The following TRPM3 variants were observed in gnomAD, a reference collection of about 807,000 sequenced individuals.
TRPM3 encodes the protein transient receptor potential cation channel subfamily M member 3, also known as long transient receptor potential channel 3.
In TRPM3, 77 loss-of-function variants were observed where a neutral mutation model predicts 181.2. The observed-to-expected ratio is 0.42, with a 90% CI of 0.35 to 0.51. The LOEUF (loss-of-function observed/expected upper bound fraction) is 0.51, where lower values mean the gene tolerates loss of function less well. Ranked by LOEUF, TRPM3 falls within the 20% of genes least tolerant of loss-of-function variation. TRPM3 has a pLI of 0.01. For missense variants in TRPM3, 1,759 were observed against 2,196.7 expected (o/e 0.80, Z 3.98); for synonymous variants, 745 against 796.4 (o/e 0.94, Z 1.09).
intron 1 of TRPM3, among the ~76,000 whole-genome samples, chr9:71,347,970 T>C (rs1308715051): frequency 1.3e-5 from 2 of 152,138 alleles, no homozygotes; most frequent in African/African-American, 2.4e-5. Flanking sequence ...TGTTCCTCTC[T>C]GGTTGAGAAA....
intron 1 of TRPM3, among the ~76,000 whole-genome samples, chr9:71,204,475 C>G (rs1368652084): frequency 6.6e-6 from 1 of 152,190 alleles, no homozygotes; most frequent in Non-Finnish European, 1.5e-5. Context: ...CTCACCATCA[C>G]TGGCCGTCAG....
intron 5 of TRPM3, among the ~76,000 whole-genome samples, chr9:70,831,948 T>G (rs2093927159): frequency 7.9e-6 from 1 of 126,522 alleles, no homozygotes; most frequent in African/African-American, 3.1e-5. Flanking sequence ...TCAAAACATT[T>G]TATGTACCCC....
chr9:71,299,653 A>G (rs1169456848), intron 1 of TRPM3, among the ~76,000 whole-genome samples: 3 of 152,126 alleles, frequency 2.0e-5, no homozygotes, highest in African/African-American at 7.2e-5. Context: ...ATATTCTGAA[A>G]TGTGTCTCTC....
chr9:71,395,336 C>T (rs61072067), intron 1 of TRPM3, among the ~76,000 whole-genome samples: 16,480 of 152,188 alleles, frequency 0.11, 1,134 homozygotes, highest in Non-Finnish European at 0.16. Context: ...CCTTCCTCAG[C>T]GGAACTGTGG....
chr9:70,804,413 C>T (rs1433634647), intron 6 of TRPM3, among the ~76,000 whole-genome samples: 1 of 152,194 alleles, frequency 6.6e-6, no homozygotes, highest in Non-Finnish European at 1.5e-5. Context: ...TAAACCACTG[C>T]TTTTGAACAC....
chr9:71,118,089 A>C (rs2072821110), intron 1 of TRPM3, among the ~76,000 whole-genome samples: 1 of 152,206 alleles, frequency 6.6e-6, no homozygotes, highest in Non-Finnish European at 1.5e-5. Context: ...ATCTTGAAAC[A>C]CATAAGAATA....
intron 1 of TRPM3, among the ~76,000 whole-genome samples, chr9:71,107,641 TAATTTTA>T (rs2070016858): frequency 6.6e-6 from 1 of 152,204 alleles, no homozygotes; most frequent in African/African-American, 2.4e-5. Context: ...GGTGAAATGT[TAATTTTA>T]TACTGCTGTT....
chr9:70,973,463 C>A (rs950799423), intron 1 of TRPM3, among the ~76,000 whole-genome samples: 2 of 152,142 alleles, frequency 1.3e-5, no homozygotes, highest in Non-Finnish European at 2.9e-5. Flanking sequence ...CCATTAATAT[C>A]CTACACTTTA....
At chr9:70,806,055 C>G (rs771327135) in intron 6 of TRPM3, among the ~76,000 whole-genome samples, 24 of 152,174 alleles carry the variant, frequency 1.6e-4, no homozygotes, top group Non-Finnish European at 3.4e-4. Context: ...CACCCTGCCT[C>G]GTTCCAGCAG....
chr9:71,063,182 A>G (rs1375902667), intron 1 of TRPM3, among the ~76,000 whole-genome samples: 1 of 151,952 alleles, frequency 6.6e-6, no homozygotes, highest in East Asian at 1.9e-4. Context: ...CTATCACAGC[A>G]CTCACCTTCC....
At chr9:70,935,786 C>G (rs561706188) in intron 1 of TRPM3, among the ~76,000 whole-genome samples, 4 of 152,134 alleles carry the variant, frequency 2.6e-5, no homozygotes, top group African/African-American at 9.7e-5. Context: ...AAAGAAGTGG[C>G]AGATTTTTTC....
At chr9:71,102,515 G>C (rs1188984121) in intron 1 of TRPM3, among the ~76,000 whole-genome samples, 1 of 152,134 alleles carries the variant, frequency 6.6e-6, no homozygotes, top group Non-Finnish European at 1.5e-5. Context: ...CAGGTACCCT[G>C]ATCAACTTAA....
intron 1 of TRPM3, among the ~76,000 whole-genome samples, chr9:71,410,370 T>C (rs1242851640): frequency 6.6e-6 from 1 of 151,580 alleles, no homozygotes; most frequent in African/African-American, 2.4e-5. Flanking sequence ...GCAAGACTAG[T>C]AAAGAAGTAA....
chr9:71,344,289 A>C (rs1025009158), intron 1 of TRPM3, among the ~76,000 whole-genome samples: 4 of 152,092 alleles, frequency 2.6e-5, no homozygotes, highest in African/African-American at 7.2e-5. Flanking sequence ...GTCTCTACCA[A>C]AAAATACAAA....
chr9:70,536,321 G>A lies in TRPM3; in HGVS notation c.4792C>T (p.Arg1598Ter), dbSNP rs199715279. 31 of 1,613,948 alleles carry A rather than the reference G, an allele frequency of 1.9e-5. No homozygotes were observed. The highest frequency in any genetic ancestry group is 7.7e-5 in the South Asian group (7 of 91,070). Residue 1598 changes from arginine (R) to a stop codon, truncating the protein, a stop_gained, in exon 26 of 26, where the codon CGA (arginine) becomes TGA (stop). Coordinates refer to ENST00000677713, the MANE Select transcript of TRPM3 (RefSeq NM_001366145.2). LOFTEE classifies it high-confidence loss of function. ...VEDLTCCHPE[R>*]EAELSHPSSD... is the part of the protein sequence containing the mutation. ...CTGGGGTGACTCAGTTCTGCTTCTCGCTCTGGATGGCAGCAAGTTAAGTCC... is the reference window on the plus strand; with the variant it reads ...CTGGGGTGACTCAGTTCTGCTTCTCACTCTGGATGGCAGCAAGTTAAGTCC...
chr9:70,813,901 T>C (rs1031038227), intron 6 of TRPM3, among the ~76,000 whole-genome samples: 4 of 152,210 alleles, frequency 2.6e-5, no homozygotes, highest in African/African-American at 9.7e-5. Context: ...TTGTTTACAA[T>C]AGCACTCAAT....
chr9:71,404,855 G>GC (rs2093407317), intron 1 of TRPM3, among the ~76,000 whole-genome samples: 1 of 152,062 alleles, frequency 6.6e-6, no homozygotes, highest in Non-Finnish European at 1.5e-5. Flanking sequence ...ACAAGCCATT[G>GC]TCCCTGCCTG....
At chr9:71,293,256 A>T (rs1245148291) in intron 1 of TRPM3, among the ~76,000 whole-genome samples, 1 of 151,844 alleles carries the variant, frequency 6.6e-6, no homozygotes, top group Non-Finnish European at 1.5e-5. Context: ...GCCCACTATC[A>T]CTTCCTTACA....
chr9:71,326,021 G>A (rs2089658173), intron 1 of TRPM3, among the ~76,000 whole-genome samples: 1 of 152,148 alleles, frequency 6.6e-6, no homozygotes, highest in Non-Finnish European at 1.5e-5. Flanking sequence ...GATGTGATAT[G>A]AACATTGCAA....
Sources: gnomAD v4.1 joint callset for allele counts (sites outside exome capture counted in the v4.1 genomes callset) on GRCh38, gnomAD v4.1.1 for gene constraint, MANE v1.5 for transcripts, NCBI Gene and HGNC (gene_info 2026-07-23, HGNC 2026-07-21) for gene names.